KIF27: variants seen among roughly 807,000 people sequenced by gnomAD.
KIF27 encodes kinesin family member 27, also known as kinesin-like protein KIF27.
In KIF27, 84 loss-of-function variants were observed where a neutral mutation model predicts 141.8. The observed-to-expected ratio is 0.59, with a 90% CI of 0.50 to 0.71. The LOEUF (loss-of-function observed/expected upper bound fraction) is 0.71. KIF27 is among the 30% of genes least tolerant of loss of function. KIF27 has a pLI of 0.00. For synonymous variants in KIF27, 471 were observed against 569.5 expected, an observed-to-expected ratio of 0.83 and a Z score of 2.46; for missense variants, 1,306 against 1,628.4, an observed-to-expected ratio of 0.80 and a Z score of 3.41.
At chr9:83,866,831 G>A (rs535371834) in intron 13 of KIF27, among the ~76,000 whole-genome samples, 20 of 151,706 alleles carry the variant, frequency 1.3e-4, no homozygotes, top group Non-Finnish European at 2.4e-4. Context: ...AGCACAGATC[G>A]CGCCACTGCA....
chr9:83,840,136 T>G (rs977647446), intron 17 of KIF27, among the ~76,000 whole-genome samples: 6 of 152,194 alleles, frequency 3.9e-5, no homozygotes, highest in Admixed American at 2.0e-4. Context: ...CAGGATATAG[T>G]GTAAACTATA....
chr9:83,911,905 G>T (rs530333344), intron 2 of KIF27, among the ~76,000 whole-genome samples: 1 of 152,134 alleles, frequency 6.6e-6, no homozygotes, highest in Non-Finnish European at 1.5e-5. Context: ...CAGAGAATGC[G>T]GGGAGAGCTA....
chr9:83,908,261 CAAAAAAAAAAA>C (rs769794962), intron 3 of KIF27, among the ~76,000 whole-genome samples, 180 bp downstream of exon 3: 1 of 74,286 alleles, frequency 1.3e-5, no homozygotes, highest in African/African-American at 4.8e-5. Flanking sequence ...AACTCCATCT[CAAAAAAAAAAA>C]AAAAAAAAGA....
chr9:83,889,645 C>T (rs538179551), intron 6 of KIF27, among the ~76,000 whole-genome samples: 3 of 151,484 alleles, frequency 2.0e-5, no homozygotes, highest in African/African-American at 4.9e-5. Flanking sequence ...GTGGTGCTGC[C>T]GCCAAAGGTC....
chr9:83,917,721 T>C (rs529722964), intron 1 of KIF27, among the ~76,000 whole-genome samples: 1 of 152,288 alleles, frequency 6.6e-6, no homozygotes, highest in East Asian at 1.9e-4. Flanking sequence ...AATACTCTTT[T>C]CAACAAATGG....
At chr9:83,913,851 A>C (rs970846) in intron 2 of KIF27, among the ~76,000 whole-genome samples, 2 of 152,136 alleles carry the variant, frequency 1.3e-5, no homozygotes, top group Admixed American at 6.6e-5. Flanking sequence ...ATATGCATCA[A>C]ACTTATTTCT....
intron 2 of KIF27, among the ~76,000 whole-genome samples, chr9:83,912,899 T>A (rs1588317013): frequency 1.3e-5 from 2 of 152,138 alleles, no homozygotes; most frequent in African/African-American, 4.8e-5. Context: ...TTCACACCTG[T>A]AATCCCAGCA....
At chr9:83,891,832 GA>G (rs1362984394) in intron 5 of KIF27, among the ~76,000 whole-genome samples, 1 of 152,200 alleles carries the variant, frequency 6.6e-6, no homozygotes, top group Non-Finnish European at 1.5e-5. Context: ...CTTTCTGAGT[GA>G]AATCCAAGAA....
chr9:83,894,338 A>C (rs1952965606), intron 5 of KIF27, among the ~76,000 whole-genome samples: 1 of 152,218 alleles, frequency 6.6e-6, no homozygotes, highest in African/African-American at 2.4e-5. Context: ...ACACTAGCAA[A>C]CCAAATCTAG....
chr9:83,889,590 T>C (rs1199945680), intron 6 of KIF27, among the ~76,000 whole-genome samples: 1 of 151,042 alleles, frequency 6.6e-6, no homozygotes, highest in East Asian at 1.9e-4. Context: ...CCCCAACAAA[T>C]GTACCCTCTT....
intron 16 of KIF27, among the ~76,000 whole-genome samples, chr9:83,844,329 G>T (rs1209843431): frequency 2.0e-5 from 3 of 149,950 alleles, no homozygotes; most frequent in Admixed American, 2.0e-4. Flanking sequence ...TATATAGATA[G>T]CTATATATAT....
intron 15 of KIF27, among the ~76,000 whole-genome samples, chr9:83,852,409 C>T (rs535420723): frequency 6.0e-5 from 9 of 150,268 alleles, no homozygotes; most frequent in East Asian, 2.0e-4. Flanking sequence ...GCCGAGATCA[C>T]GCCACTGCAC....
chr9:83,908,748 T>C (rs1477960168), intron 2 of KIF27, 96 bp from the exon 3 acceptor site: 9 of 697,958 alleles, frequency 1.3e-5, no homozygotes, highest in African/African-American at 1.9e-5. Context: ...TACATTTCTA[T>C]ATATTATAAC....
chr9:83,870,464 T>G (rs1413630630), intron 12 of KIF27, 55 bp downstream of exon 12: 9 of 1,603,218 alleles, frequency 5.6e-6, no homozygotes, highest in Non-Finnish European at 7.7e-6. Flanking sequence ...TACCTCTATT[T>G]AGACAACCAT....
rs768724974 is a variant in KIF27, at chr9:83,883,799, A to G, written c.2445+14T>C. Reference sequence around the variant, plus strand: ...AGCTTAAATAAGTTTTCTCAATTACATTTTTTAAATTACCTGAACTCTCAG... The same window carrying G: ...AGCTTAAATAAGTTTTCTCAATTACGTTTTTTAAATTACCTGAACTCTCAG... On this transcript the variant is annotated intron_variant, in intron 10 of 17. Transcript: ENST00000297814. The G allele has an allele frequency of 2.0e-5, 31 of 1,581,296 alleles. No homozygotes were observed. Among genetic ancestry groups the G allele is most frequent in the Non-Finnish European group, 2.4e-5 (28 of 1,154,506 alleles).
chr9:83,910,556 A>T (rs768054064), intron 2 of KIF27, among the ~76,000 whole-genome samples: 4 of 152,238 alleles, frequency 2.6e-5, no homozygotes, highest in Non-Finnish European at 4.4e-5. Flanking sequence ...GTAGAAAGGG[A>T]CAACAAGAAA....
rs535045170 is a variant in KIF27 at position 83,862,601 on chromosome 9, G to C, written c.2935-3230C>G. ...AGCCTTGTAGTATAGTTTGAAGTCA[G>C]GTAGCGTGATGCCTCCAGCTTTGTT... On this transcript the variant is annotated intron_variant, in intron 13 of 17. Coordinates refer to ENST00000297814, the MANE Select transcript of KIF27 (RefSeq NM_017576.4). 6.0e-3 allele frequency among the ~76,000 whole-genome samples: 918 copies of C among 152,280 alleles called. 10 individuals are homozygous for C. The highest frequency in any genetic ancestry group is 0.021 in the African/African-American group (871 of 41,546).
intron 5 of KIF27, among the ~76,000 whole-genome samples, chr9:83,895,047 C>A (rs1231539243): frequency 6.7e-5 from 10 of 149,608 alleles, no homozygotes; most frequent in Non-Finnish European, 1.5e-4. Flanking sequence ...AGATCGAGAC[C>A]AAGACCATCC....
chr9:83,862,544 T>G (rs1394305693), intron 13 of KIF27, among the ~76,000 whole-genome samples: 4 of 151,406 alleles, frequency 2.6e-5, no homozygotes, highest in South Asian at 2.1e-4. Flanking sequence ...ATCTCTGTTT[T>G]GGTACCAGTA....
Sources: gnomAD v4.1 joint callset for allele counts (sites outside exome capture counted in the v4.1 genomes callset) on GRCh38, gnomAD v4.1.1 for gene constraint, MANE v1.5 for transcripts, NCBI Gene and HGNC (gene_info 2026-07-23, HGNC 2026-07-21) for gene names.